The following UGT1A6 variants were observed in gnomAD, a reference collection of about 807,000 sequenced individuals.
UGT1A6 encodes the protein UDP glucuronosyltransferase family 1 member A6.
UGT1A6 carries 32 observed loss-of-function variants against 44.4 expected under a neutral mutation model. That is an observed-to-expected ratio of 0.72 (90% CI 0.54 to 0.97). The LOEUF (loss-of-function observed/expected upper bound fraction) is 0.97, where lower values mean the gene tolerates loss of function less well. Among genes scored for constraint, UGT1A6 ranks in the 50% least tolerant of loss-of-function variants. UGT1A6 has a pLI of 0.00. For synonymous variants in UGT1A6, 238 were observed against 248.5 expected (o/e 0.96, Z 0.40); for missense variants, 685 against 661.9 (o/e 1.03, Z -0.38).
intron 1 of UGT1A6, among the ~76,000 whole-genome samples, chr2:233,704,462 A>G (rs989153575): frequency 1.3e-5 from 2 of 151,938 alleles, no homozygotes; most frequent in African/African-American, 4.8e-5. Flanking sequence ...ATATAGCTCT[A>G]TTTCCTTTCT....
At chr2:233,713,593 A>G in intron 1 of UGT1A6, 2 of 1,613,934 alleles carry the variant, frequency 1.2e-6, no homozygotes, top group South Asian at 1.1e-5. Context: ...CTAACGACCA[A>G]TTCAGACCAC....
At chr2:233,761,128 C>T in intron 1 of UGT1A6, 1 of 1,614,190 alleles carries the variant, frequency 6.2e-7, no homozygotes, top group Non-Finnish European at 8.5e-7. Context: ...AATCAACTGC[C>T]TTCACCAAAA....
At chr2:233,758,491 A>G (rs953417996) in intron 1 of UGT1A6, among the ~76,000 whole-genome samples, 5 of 152,260 alleles carry the variant, frequency 3.3e-5, no homozygotes, top group African/African-American at 1.2e-4. Context: ...TGTGAATTTC[A>G]GAATTTCTAA....
At chr2:233,747,277 G>A (rs1044373750) in intron 1 of UGT1A6, 304 of 1,599,338 alleles carry the variant, frequency 1.9e-4, no homozygotes, top group Non-Finnish European at 2.4e-4. Context: ...CCTTCTCAGT[G>A]CCCAGCCCTG....
At chr2:233,721,692 C>T (rs77600287) in intron 1 of UGT1A6, 13,894 of 352,288 alleles carry the variant, frequency 0.039, 386 homozygotes, top group Non-Finnish European at 0.058. Context: ...CTCTGCAAGA[C>T]GCATGGCTCA....
In UGT1A6 at chr2:233,737,609, G is replaced by A. The variant is rs563155161; in HGVS notation, c.862-29425G>A. Among the ~76,000 whole-genome samples, 4 of 152,288 alleles carry A rather than the reference G, an allele frequency of 2.6e-5. No individual in the cohort carries two copies. In the East Asian group the frequency reaches 7.7e-4, roughly 29 times the overall value. On this transcript the variant is annotated intron_variant, in intron 1 of 4. Transcript: ENST00000305139. Reference sequence around the variant, plus strand: ...ATGAGATGAACCAGGTACCTCAGTTGGAAATGCAGAAATCATCCATCTTCT... The same window carrying A: ...ATGAGATGAACCAGGTACCTCAGTTAGAAATGCAGAAATCATCCATCTTCT...
rs765801707 is a variant in UGT1A6 at position 233,693,174 on chromosome 2, T to C, written c.170T>C (p.Val57Ala). The C allele has an allele frequency of 1.2e-6, 2 of 1,614,166 alleles. No individual in the cohort carries two copies. Among genetic ancestry groups the C allele is most frequent in the Non-Finnish European group, 1.7e-6 (2 of 1,179,994 alleles). Residue 57 changes from valine to alanine, a missense_variant, in exon 1 of 5, where the codon GTA (valine) becomes GCA (alanine). Transcript: ENST00000305139. ...EVLSDRGHEI[V>A]VVVPEVNLLL... ...CTCAGTGACCGGGGTCATGAGATTG[T>C]AGTGGTGGTGCCTGAAGTTAATTTG... is the stretch of plus-strand genomic sequence containing the variant.
intron 1 of UGT1A6, among the ~76,000 whole-genome samples, chr2:233,745,008 AATGTAAATGCT>A (rs1243749653): frequency 6.6e-6 from 1 of 151,846 alleles, no homozygotes; most frequent in Non-Finnish European, 1.5e-5. Flanking sequence ...TTACCTAATA[AATGTAAATGCT>A]ATGTAAATAG....
At position 233,769,451 on chromosome 2, in the gene UGT1A6, G is replaced by A; in HGVS notation, c.1301+1012G>A. On this transcript the variant is annotated intron_variant, in intron 4 of 4. Transcript: ENST00000305139. This position sits in a 1 kb window ranked among gnomAD's most constrained non-coding sequence, Gnocchi z 4.4. ...TGTGCTCATGTGTGGGTGCACACGT[G>A]TGCATTCATATGCGTGTGTGTGTGT... is the stretch of plus-strand genomic sequence containing the variant. 1 of 1,590,738 alleles carries A rather than the reference G, an allele frequency of 6.3e-7. No homozygotes were observed. Among genetic ancestry groups the A allele is most frequent in the Non-Finnish European group, 8.6e-7 (1 of 1,161,554 alleles).
Position 233,767,067 on chromosome 2 carries a change from C to G in UGT1A6, c.895C>G (p.His299Asp). ...FEAYINASGE[H>D]GIVVFSLGSM... The stretch of plus-strand genomic sequence containing the variant: ...AGCCTACATTAATGCTTCTGGAGAA[C>G]ATGGAATTGTGGTTTTCTCTTTGGG... Residue 299 changes from histidine to aspartate, a missense_variant, in exon 2 of 5, where the codon CAT becomes GAT. Coordinates refer to ENST00000305139, the MANE Select transcript of UGT1A6 (RefSeq NM_001072.4). The G allele has an allele frequency of 6.2e-7, 1 of 1,614,098 alleles. No individual in the cohort carries two copies. Among genetic ancestry groups the G allele is most frequent in the East Asian group, 2.2e-5 (1 of 44,866 alleles).
intron 1 of UGT1A6, among the ~76,000 whole-genome samples, chr2:233,745,730 G>T (rs1693190867): frequency 6.6e-6 from 1 of 150,482 alleles, no homozygotes; most frequent in Non-Finnish European, 1.5e-5. Context: ...GAGGGTAAGA[G>T]GCAGAGGGAG....
intron 1 of UGT1A6, among the ~76,000 whole-genome samples, chr2:233,707,554 G>GTTTTTTTTTTTTTTTTTTTTTTT (rs2075972438): frequency 7.1e-6 from 1 of 141,820 alleles, no homozygotes. Context: ...TTTTTTTTTG[G>GTTTTTTTTTTTTTTTTTTTTTTT]TTCAACCTTA....
chr2:233,713,766 G>T, intron 1 of UGT1A6: 6 of 1,613,460 alleles, frequency 3.7e-6, no homozygotes, highest in Non-Finnish European at 5.1e-6. Flanking sequence ...GCTGTTCCGA[G>T]GGGACTTTGT....
At chr2:233,743,729 T>C (rs767611267) in intron 1 of UGT1A6, 12 of 1,367,246 alleles carry the variant, frequency 8.8e-6, no homozygotes, top group South Asian at 2.3e-5. Flanking sequence ...GTCATAGATA[T>C]CGCGTTTCTT....
chr2:233,740,012 T>A (rs1691282549), intron 1 of UGT1A6, among the ~76,000 whole-genome samples: 1 of 151,864 alleles, frequency 6.6e-6, no homozygotes, highest in African/African-American at 2.4e-5. Flanking sequence ...AAGTGAGTTC[T>A]CATGAGAGCT....
At chr2:233,743,417 G>C (rs1204856342) in intron 1 of UGT1A6, 2 of 1,334,558 alleles carry the variant, frequency 1.5e-6, no homozygotes, top group African/African-American at 1.5e-5. Flanking sequence ...CCACTTCCCA[G>C]GGAGCCAAAG....
intron 1 of UGT1A6, chr2:233,730,084 A>T: frequency 6.2e-7 from 1 of 1,601,106 alleles, no homozygotes. Flanking sequence ...ATATTTACTT[A>T]TCTTTCCAAA....
Position 233,725,052 on chromosome 2 carries a change from C to T in UGT1A6, c.861+31187C>T, listed in dbSNP as rs575446926. ...CTCCACCAAAACCAGTCAGGCGTGG[C>T]GGCGCGCGCCTGCAATCGCAGGCAC... On this transcript the variant is annotated intron_variant, in intron 1 of 4. Coordinates refer to ENST00000305139, the MANE Select transcript of UGT1A6 (RefSeq NM_001072.4). Among the ~76,000 whole-genome samples the T allele has an allele frequency of 7.1e-4, 105 of 147,652 alleles. 7 individuals are homozygous for T. The highest frequency in any genetic ancestry group is 1.2e-3 in the Non-Finnish European group (79 of 67,134).
chr2:233,761,493 C>T (rs34652311), intron 1 of UGT1A6, among the ~76,000 whole-genome samples: 4,469 of 152,304 alleles, frequency 0.029, 206 homozygotes, highest in African/African-American at 0.1. Flanking sequence ...TGCACCTTGC[C>T]CTGGATTCAG....
Sources: gnomAD v4.1 joint callset for allele counts (sites outside exome capture counted in the v4.1 genomes callset) on GRCh38, gnomAD v4.1.1 for gene constraint, Gnocchi (gnomAD v3.1) non-coding constraint, MANE v1.5 for transcripts, NCBI Gene and HGNC (gene_info 2026-07-23, HGNC 2026-07-21) for gene names.